ANAPC4: variants seen among roughly 807,000 people sequenced by gnomAD.
The protein encoded by ANAPC4 is anaphase-promoting complex subunit 4.
A neutral mutation model predicts 119.8 loss-of-function variants in ANAPC4; 63 were observed. The ratio of observed to expected loss-of-function variants is 0.53; its 90% CI spans 0.43 to 0.65. ANAPC4 has a LOEUF of 0.65. ANAPC4 is among the 30% of genes least tolerant of loss of function. ANAPC4 has a pLI of 0.00. For missense variants in ANAPC4, 716 were observed against 945.1 expected (o/e 0.76, Z 3.18); for synonymous variants, 283 against 318.6 (o/e 0.89, Z 1.19).
Position 25,383,259 on chromosome 4 carries a change from AG to A in ANAPC4, c.236-1del. 1 of 1,583,084 alleles carries A rather than the reference AG, an allele frequency of 6.3e-7. No homozygotes were observed. On this transcript the variant is annotated splice_acceptor_variant, in intron 3 of 28. Coordinates refer to ENST00000315368, the MANE Select transcript of ANAPC4 (RefSeq NM_013367.3). LOFTEE classifies it high-confidence loss of function. ...TATTCTGATTGTTTTTTCTTGTTTT[AG>A]TTTTGGCCTTTGCTCTTGCTGATAC...
intron 3 of ANAPC4, among the ~76,000 whole-genome samples, chr4:25,381,871 C>G (rs547397405): frequency 6.6e-6 from 1 of 152,030 alleles, no homozygotes; most frequent in African/African-American, 2.4e-5. Flanking sequence ...TGCTTGAACC[C>G]GGGAGGTGGA....
At chr4:25,411,424 C>T (rs1187609256) in intron 21 of ANAPC4, among the ~76,000 whole-genome samples, 1 of 152,194 alleles carries the variant, frequency 6.6e-6, no homozygotes, top group African/African-American at 2.4e-5. Context: ...ATGGAACTCA[C>T]TATTGAGTTC....
At position 25,395,794 on chromosome 4, in the gene ANAPC4, G is replaced by C. The variant is rs1467432449; in HGVS notation, c.1062-870G>C. Among the ~76,000 whole-genome samples the C allele has an allele frequency of 2.6e-5, 4 of 152,198 alleles. No individual in the cohort carries two copies. The East Asian group carries it at 5.8e-4, about 22-fold the overall frequency. ...GTATATTCCTTTATGCTGAGTCCCT[G>C]GCCCTAACTACATCACCCCTCCCTT... On this transcript the variant is annotated intron_variant, in intron 14 of 28. Coordinates refer to ENST00000315368, the MANE Select transcript of ANAPC4 (RefSeq NM_013367.3).
chr4:25,406,725 T>A, intron 18 of ANAPC4, 104 bp from the exon 19 acceptor site: 1 of 867,178 alleles, frequency 1.2e-6, no homozygotes, highest in South Asian at 1.6e-5. Context: ...TTCCCATGGC[T>A]TTTAGTAGAT....
At chr4:25,413,603 A>G (rs1464986314) in intron 21 of ANAPC4, 42 bp from the exon 22 acceptor site, 3 of 1,476,154 alleles carry the variant, frequency 2.0e-6, no homozygotes, top group Admixed American at 1.8e-5. Flanking sequence ...TAAGTTTGCT[A>G]TAGCTTCTTT....
Position 25,414,647 on chromosome 4 carries a change from A to T in ANAPC4, c.1773A>T (p.Leu591=). The stretch of plus-strand genomic sequence containing the variant: ...TACATTATCTTCTTTTTACTATTCT[A>T]GAAGATTCACTTTATAAAATGTGCA... The part of the protein sequence containing the change: ...SNLHYLLFTI[L]EDSLYKMCIL... The change falls in exon 25 of 29, where the codon CTA becomes CTT. Residue 591 remains leucine, a synonymous_variant. Coordinates refer to ENST00000315368, the MANE Select transcript of ANAPC4 (RefSeq NM_013367.3). 6.4e-7 allele frequency: 1 copy of T among 1,552,958 alleles called. No homozygotes were observed. The highest frequency in any genetic ancestry group is 1.9e-5 in the Admixed American group (1 of 51,862).
At chr4:25,384,109 A>C (rs969993021) in intron 4 of ANAPC4, among the ~76,000 whole-genome samples, 1 of 152,232 alleles carries the variant, frequency 6.6e-6, no homozygotes, top group African/African-American at 2.4e-5. Flanking sequence ...ATCCTTTGTC[A>C]TGTCAACATT....
chr4:25,408,905 A>G (rs1022366443), intron 20 of ANAPC4, among the ~76,000 whole-genome samples: 1 of 152,308 alleles, frequency 6.6e-6, no homozygotes, highest in Non-Finnish European at 1.5e-5. Flanking sequence ...AATATTAAAG[A>G]TTCGTACTCA....
intron 21 of ANAPC4, among the ~76,000 whole-genome samples, chr4:25,412,055 C>T (rs958081908): frequency 6.6e-6 from 1 of 152,070 alleles, no homozygotes. Context: ...GTCAAGAGTT[C>T]CCAGAACCTT....
chr4:25,391,122 CA>C (rs1326052682), intron 9 of ANAPC4, 107 bp downstream of exon 9: 6 of 735,504 alleles, frequency 8.2e-6, no homozygotes, highest in Non-Finnish European at 4.2e-6. Context: ...TAAAATAATG[CA>C]AAAAAATCGA....
chr4:25,398,007 C>T (rs962158935), intron 16 of ANAPC4, among the ~76,000 whole-genome samples: 3 of 152,014 alleles, frequency 2.0e-5, no homozygotes, highest in Non-Finnish European at 4.4e-5. Flanking sequence ...CTCAAGTGAT[C>T]CTCTTGCCTC....
chr4:25,385,054 A>C (rs567509208), intron 4 of ANAPC4, among the ~76,000 whole-genome samples: 2 of 152,310 alleles, frequency 1.3e-5, no homozygotes, highest in East Asian at 3.9e-4. Flanking sequence ...TTGTTGTTCC[A>C]TTTATAGAAC....
chr4:25,414,394 G>A lies in ANAPC4; in HGVS notation c.1685+9G>A, dbSNP rs761644937. On this transcript the variant is annotated intron_variant, in intron 23 of 28. Coordinates refer to ENST00000315368, the MANE Select transcript of ANAPC4 (RefSeq NM_013367.3). The stretch of plus-strand genomic sequence containing the variant: ...TATAGAGATACCAGAAGGTAATTCT[G>A]TTTACCTATTGGATGGTGTAATTCC... The A allele has an allele frequency of 5.6e-6, 9 of 1,602,086 alleles. No homozygotes were observed. The Admixed American group carries it at 1.0e-4, about 18-fold the overall frequency.
At chr4:25,380,628 A>AT (rs1229371860) in intron 3 of ANAPC4, 149 bp downstream of exon 3, 1 of 465,168 alleles carries the variant, frequency 2.1e-6, no homozygotes, top group African/African-American at 2.0e-5. Context: ...GCCTTAAAAT[A>AT]TTTTTATAGA....
intron 4 of ANAPC4, among the ~76,000 whole-genome samples, chr4:25,386,691 AAG>A (rs1266893412): frequency 5.9e-5 from 9 of 152,364 alleles, no homozygotes; most frequent in South Asian, 2.1e-4. Context: ...CTGCTGGAAA[AAG>A]GACTCCAATA....
chr4:25,399,199 T>G (rs1056518032), intron 16 of ANAPC4, among the ~76,000 whole-genome samples: 1 of 152,204 alleles, frequency 6.6e-6, no homozygotes, highest in African/African-American at 2.4e-5. Flanking sequence ...TAAAATTATT[T>G]TCTTACATAA....
intron 7 of ANAPC4, 107 bp downstream of exon 7, chr4:25,388,989 G>A (rs1359914996): frequency 9.9e-7 from 1 of 1,010,894 alleles, no homozygotes; most frequent in Non-Finnish European, 1.5e-6. Context: ...TTATTTCATT[G>A]TTTTTTGTTT....
At chr4:25,403,602 T>C (rs1177578519) in intron 17 of ANAPC4, among the ~76,000 whole-genome samples, 3 of 152,214 alleles carry the variant, frequency 2.0e-5, no homozygotes, top group Admixed American at 6.5e-5. Context: ...GATTATTTCG[T>C]CTTCTGTCTT....
At chr4:25,387,404 A>T (rs897188393) in intron 4 of ANAPC4, among the ~76,000 whole-genome samples, 2 of 152,234 alleles carry the variant, frequency 1.3e-5, no homozygotes, top group African/African-American at 4.8e-5. Context: ...AAAGAATTGG[A>T]TGACAAGGGT....
Sources: gnomAD v4.1 joint callset for allele counts (sites outside exome capture counted in the v4.1 genomes callset) on GRCh38, gnomAD v4.1.1 for gene constraint, MANE v1.5 for transcripts, NCBI Gene and HGNC (gene_info 2026-07-23, HGNC 2026-07-21) for gene names.